ITCH: variants seen among roughly 807,000 people sequenced by gnomAD.
The protein encoded by ITCH is itchy E3 ubiquitin protein ligase.
In ITCH, 28 loss-of-function variants were observed where a neutral mutation model predicts 126.8. The ratio of observed to expected loss-of-function variants is 0.22; its 90% CI spans 0.16 to 0.30. The LOEUF (loss-of-function observed/expected upper bound fraction) is 0.30. Ranked by LOEUF, ITCH falls within the 10% of genes least tolerant of loss-of-function variation. ITCH has a pLI of 1.00. For synonymous variants in ITCH, 342 were observed against 340.0 expected (o/e 1.01, Z -0.06); for missense variants, 631 against 1,032.4 (o/e 0.61, Z 5.33).
At chr20:34,504,305 C>G in intron 23 of ITCH, 26 bp from the exon 24 acceptor site, 1 of 1,568,216 alleles carries the variant, frequency 6.4e-7, no homozygotes, top group Non-Finnish European at 8.8e-7. Flanking sequence ...TACTAACAAA[C>G]TGTTTATGAT....
chr20:34,408,535 A>T, intron 3 of ITCH, 116 bp from the exon 4 acceptor site: 1 of 942,624 alleles, frequency 1.1e-6, no homozygotes, highest in Non-Finnish European at 1.7e-6. Context: ...AGTATTTTAG[A>T]GCAAAACTGC....
At position 34,505,864 on chromosome 20, in the gene ITCH, A is replaced by G. The variant is rs549099720; in HGVS notation, c.2489+1461A>G. ...CCACTGCCCCCAGCCAAAATATACA[A>G]CCTTTTGTGTGTAGCTTCTTTTACT... On this transcript the variant is annotated intron_variant, in intron 24 of 24. Transcript: ENST00000374864. 2.6e-5 allele frequency among the ~76,000 whole-genome samples: 4 copies of G among 151,882 alleles called. No individual in the cohort carries two copies. In the East Asian group the frequency reaches 5.8e-4, roughly 22 times the overall value.
At chr20:34,481,409 G>C (rs1246121200) in intron 20 of ITCH, among the ~76,000 whole-genome samples, 2 of 151,904 alleles carry the variant, frequency 1.3e-5, no homozygotes, top group Non-Finnish European at 2.9e-5. Context: ...AGTCATGCAG[G>C]ATCACTCTTT....
At chr20:34,413,919 TAAATAAAA>T in intron 6 of ITCH, 40 bp downstream of exon 6, 1 of 1,493,338 alleles carries the variant, frequency 6.7e-7, no homozygotes, top group Non-Finnish European at 9.3e-7. Context: ...TGATTCTTCT[TAAATAAAA>T]TAGCCATTGT....
At chr20:34,451,207 T>G (rs1985181323) in intron 12 of ITCH, among the ~76,000 whole-genome samples, 1 of 151,874 alleles carries the variant, frequency 6.6e-6, no homozygotes, top group African/African-American at 2.4e-5. Context: ...GGAGAGTCAC[T>G]TGAACCCGGG....
chr20:34,503,287 T>C (rs181133502), intron 23 of ITCH, among the ~76,000 whole-genome samples: 64 of 152,318 alleles, frequency 4.2e-4, no homozygotes, highest in South Asian at 2.9e-3. Context: ...ACAGTTAGCG[T>C]TCCTGCCCCC....
intron 2 of ITCH, among the ~76,000 whole-genome samples, chr20:34,380,039 G>A (rs999823705): frequency 1.3e-5 from 2 of 151,944 alleles, no homozygotes; most frequent in Admixed American, 1.3e-4. Flanking sequence ...TGGAACTACA[G>A]GTGTGTGCCA....
chr20:34,426,231 C>G (rs1981496227), intron 7 of ITCH, among the ~76,000 whole-genome samples: 1 of 152,106 alleles, frequency 6.6e-6, no homozygotes, highest in Non-Finnish European at 1.5e-5. Flanking sequence ...GAGGAGTAGT[C>G]AGAAGGGGAG....
intron 23 of ITCH, among the ~76,000 whole-genome samples, chr20:34,496,434 A>G (rs1162053905): frequency 6.6e-6 from 1 of 152,168 alleles, no homozygotes; most frequent in Non-Finnish European, 1.5e-5. Flanking sequence ...TTGCTATGCC[A>G]AAGCTTTTTA....
intron 1 of ITCH, among the ~76,000 whole-genome samples, chr20:34,366,285 C>G (rs915719285): frequency 1.3e-5 from 2 of 152,066 alleles, no homozygotes; most frequent in African/African-American, 4.8e-5. Flanking sequence ...CACCCAGTCA[C>G]GCAGGATGGA....
intron 14 of ITCH, among the ~76,000 whole-genome samples, chr20:34,464,397 G>C (rs1473734919): frequency 6.6e-6 from 1 of 150,544 alleles, no homozygotes; most frequent in East Asian, 2.0e-4. Flanking sequence ...TGCGATCTCG[G>C]CTCACCACAA....
chr20:34,461,609 T>C (rs1336880920), intron 13 of ITCH, among the ~76,000 whole-genome samples: 12 of 150,032 alleles, frequency 8.0e-5, no homozygotes, highest in Non-Finnish European at 8.8e-5. Flanking sequence ...CAGCTGAGGC[T>C]GAGGCAGGAG....
chr20:34,367,286 G>A (rs748053182), intron 1 of ITCH, among the ~76,000 whole-genome samples: 5 of 152,050 alleles, frequency 3.3e-5, no homozygotes, highest in African/African-American at 1.2e-4. Flanking sequence ...CAAGCGATTC[G>A]TGTGCCTCAG....
At chr20:34,491,611 A>C (rs537997933) in intron 22 of ITCH, among the ~76,000 whole-genome samples, 1 of 152,338 alleles carries the variant, frequency 6.6e-6, no homozygotes, top group African/African-American at 2.4e-5. Flanking sequence ...AAAAAAATTC[A>C]TATGAGAAAC....
intron 23 of ITCH, among the ~76,000 whole-genome samples, chr20:34,496,349 C>A (rs1989881031): frequency 6.6e-6 from 1 of 151,980 alleles, no homozygotes; most frequent in Non-Finnish European, 1.5e-5. Context: ...TCTGGATATT[C>A]TTTGTTGGAT....
intron 2 of ITCH, among the ~76,000 whole-genome samples, chr20:34,386,357 G>T (rs1266546716): frequency 6.6e-6 from 1 of 152,148 alleles, no homozygotes; most frequent in Non-Finnish European, 1.5e-5. Context: ...TAGATAATGG[G>T]ATCTAGTTTT....
chr20:34,434,357 G>A (rs1982733469), intron 7 of ITCH, among the ~76,000 whole-genome samples: 1 of 152,110 alleles, frequency 6.6e-6, no homozygotes, highest in South Asian at 2.1e-4. Context: ...TTAAAAAAGA[G>A]TATAGTGAAG....
chr20:34,456,831 C>T lies in ITCH; in HGVS notation c.1211-559C>T, dbSNP rs966197798. On this transcript the variant is annotated intron_variant, in intron 12 of 24. Coordinates refer to ENST00000374864, the MANE Select transcript of ITCH (RefSeq NM_031483.7). ...TCCTGAGCTCAAGCAATCTACTTGCCTTGGCCTCCCAAAGTGCTGGGATTA... is the reference window on the plus strand; with the variant it reads ...TCCTGAGCTCAAGCAATCTACTTGCTTTGGCCTCCCAAAGTGCTGGGATTA... Among the ~76,000 whole-genome samples, 7 of 151,554 alleles carry T rather than the reference C, an allele frequency of 4.6e-5. No homozygotes were observed. In the Middle Eastern group the frequency reaches 0.017, roughly 371 times the overall value.
chr20:34,469,157 G>C (rs1408653718), intron 14 of ITCH, among the ~76,000 whole-genome samples: 1 of 152,114 alleles, frequency 6.6e-6, no homozygotes, highest in Non-Finnish European at 1.5e-5. Context: ...GTCTGTGACA[G>C]CTGCTGAAAC....
Sources: gnomAD v4.1 joint callset for allele counts (sites outside exome capture counted in the v4.1 genomes callset) on GRCh38, gnomAD v4.1.1 for gene constraint, MANE v1.5 for transcripts, NCBI Gene and HGNC (gene_info 2026-07-23, HGNC 2026-07-21) for gene names.